The following PCDHA10 variants were observed in gnomAD, a reference collection of about 807,000 sequenced individuals.
PCDHA10 encodes the protein protocadherin alpha-10.
Under a neutral mutation model 61.2 loss-of-function variants are expected in PCDHA10, and 45 were observed. That is an observed-to-expected ratio of 0.74 (90% confidence interval 0.58 to 0.94). PCDHA10 has a LOEUF of 0.94. Ranked by LOEUF, PCDHA10 falls within the 40% of genes least tolerant of loss-of-function variation. The pLI, the probability that PCDHA10 is intolerant of heterozygous loss-of-function variation, is 0.00. For missense variants in PCDHA10, 1,278 were observed against 1,236.2 expected, an observed-to-expected ratio of 1.03 and a Z score of -0.51; for synonymous variants, 602 against 548.8, an observed-to-expected ratio of 1.10 and a Z score of -1.35.
chr5:140,860,223 A>G (rs2046279598), intron 1 of PCDHA10: 1 of 150,246 alleles, frequency 6.7e-6, no homozygotes, highest in African/African-American at 2.4e-5. Context: ...TTATGTATAT[A>G]TAAGCCAGGC....
intron 1 of PCDHA10, among the ~76,000 whole-genome samples, chr5:140,941,226 T>TCTTTCTTTCTTTCTTTCTTTCTTC (rs2092915713): frequency 1.5e-5 from 2 of 135,514 alleles, no homozygotes; most frequent in Admixed American, 7.6e-5. Flanking sequence ...TTTCTTTCTT[T>TCTTTCTTTCTTTCTTTCTTTCTTC]CTTTCTTTCT....
intron 1 of PCDHA10, among the ~76,000 whole-genome samples, chr5:140,892,021 G>A (rs2063355611): frequency 6.6e-6 from 1 of 152,160 alleles, no homozygotes; most frequent in Admixed American, 6.5e-5. Context: ...AGCACAAATG[G>A]TCTAAGATAC....
chr5:140,993,282 C>G lies in PCDHA10; in HGVS notation c.2536+10719C>G, dbSNP rs183298575. On this transcript the variant is annotated intron_variant, in intron 3 of 3. Transcript: ENST00000307360. Reference sequence around the variant, plus strand: ...ATTAGCTTCTTTGGTCTTTTCTTGCCCAGGGTCACAACCTTGCCTCCAGGA... The same window carrying G: ...ATTAGCTTCTTTGGTCTTTTCTTGCGCAGGGTCACAACCTTGCCTCCAGGA... Among the ~76,000 whole-genome samples, 618 of 151,922 alleles carry G rather than the reference C, an allele frequency of 4.1e-3. 6 individuals are homozygous for G. Among genetic ancestry groups the G allele is most frequent in the Non-Finnish European group, 5.9e-3 (399 of 67,976 alleles).
At chr5:140,877,627 A>C (rs782765998) in intron 1 of PCDHA10, 1 of 1,613,614 alleles carries the variant, frequency 6.2e-7, no homozygotes, top group East Asian at 2.2e-5. Context: ...GCTGCTGTAC[A>C]CTGCGCTGCG....
chr5:140,861,433 C>T (rs1177274871), intron 1 of PCDHA10: 1 of 489,666 alleles, frequency 2.0e-6, no homozygotes, highest in Non-Finnish European at 4.2e-6. Context: ...CAGTTGGATT[C>T]CAAAAGCCGC....
At chr5:140,882,868 G>T in intron 1 of PCDHA10, 1 of 1,614,184 alleles carries the variant, frequency 6.2e-7, no homozygotes, top group Non-Finnish European at 8.5e-7. Context: ...GGAAAACACT[G>T]GACAGAGAGG....
At chr5:140,868,925 T>C (rs558364822) in intron 1 of PCDHA10, 1 of 1,048,896 alleles carries the variant, frequency 9.5e-7, no homozygotes. Flanking sequence ...GAAAGTTCAT[T>C]TAAAGGTTGG....
intron 1 of PCDHA10, among the ~76,000 whole-genome samples, chr5:140,955,810 A>G (rs1171384572): frequency 1.3e-5 from 2 of 152,090 alleles, no homozygotes; most frequent in Non-Finnish European, 2.9e-5. Context: ...GTTTGTGTCC[A>G]CTGTGATTTC....
chr5:140,930,231 A>G (rs1234850185), intron 1 of PCDHA10: 3 of 152,238 alleles, frequency 2.0e-5, no homozygotes, highest in Non-Finnish European at 4.4e-5. Context: ...TGCACTTACC[A>G]TCCAAAGTCC....
At chr5:140,883,040 G>A (rs994931084) in intron 1 of PCDHA10, 1 of 1,614,062 alleles carries the variant, frequency 6.2e-7, no homozygotes, top group Non-Finnish European at 8.5e-7. Flanking sequence ...CGCCTTCAAT[G>A]GAACATTAGT....
chr5:140,871,393 C>T (rs782354799), intron 1 of PCDHA10: 1 of 1,614,130 alleles, frequency 6.2e-7, no homozygotes, highest in Non-Finnish European at 8.5e-7. Context: ...GGAGGGCCCA[C>T]CTAAGACGGA....
At chr5:140,998,094 GCAAA>G (rs1182835904) in intron 3 of PCDHA10, among the ~76,000 whole-genome samples, 7 of 152,226 alleles carry the variant, frequency 4.6e-5, no homozygotes, top group African/African-American at 1.4e-4. Flanking sequence ...AAATGCTAGA[GCAAA>G]CAGAGGAGAA....
At chr5:140,895,935 C>T (rs922054631) in intron 1 of PCDHA10, among the ~76,000 whole-genome samples, 20 of 152,028 alleles carry the variant, frequency 1.3e-4, no homozygotes, top group African/African-American at 4.1e-4. Flanking sequence ...CTCAGCCTCC[C>T]GAGTAGCTGG....
At chr5:140,914,564 A>AT (rs532022159) in intron 1 of PCDHA10, among the ~76,000 whole-genome samples, 1 of 152,026 alleles carries the variant, frequency 6.6e-6, no homozygotes, top group Non-Finnish European at 1.5e-5. Context: ...AGTTTAGTCC[A>AT]TTTACATTCA....
chr5:140,856,108 C>A lies in PCDHA10; in HGVS notation c.60C>A (p.Leu20=). Residue 20 remains leucine (L), a synonymous_variant, in exon 1 of 4, where the codon CTC becomes CTA. Transcript: ENST00000307360. ...GTCTGCTGCTCTCGCTTCTTCTCCT[C>A]GCAGCCTGGGAGGTGGGGAGCGGCC... ...VQCLLLSLLL[L]AAWEVGSGQL... is the part of the protein sequence containing the mutation. 1 of 1,598,026 alleles carries A rather than the reference C, an allele frequency of 6.3e-7. No individual in the cohort carries two copies. Among genetic ancestry groups the A allele is most frequent in the African/African-American group, 1.3e-5 (1 of 74,412 alleles).
Position 140,856,989 on chromosome 5 carries a change from C to T in PCDHA10, c.941C>T (p.Thr314Ile). 3.1e-6 allele frequency: 5 copies of T among 1,595,206 alleles called. 1 individual carries two copies. The highest frequency in any genetic ancestry group is 1.1e-5 in the South Asian group (1 of 90,500). ...NDAIDFEDSN[T>I]YEIHVDVTDK... is the part of the protein sequence containing the mutation. ...GCTATTGACTTTGAGGACAGTAACA[C>T]TTATGAAATTCATGTAGATGTTACA... is the stretch of plus-strand genomic sequence containing the variant. Residue 314 changes from threonine to isoleucine, a missense_variant, in exon 1 of 4, where the codon ACT becomes ATT. Physicochemically the swap from Thr to Ile is moderately conservative, Grantham distance 89. Transcript: ENST00000307360.
Position 141,009,965 on chromosome 5 carries a change from G to A in PCDHA10, c.*28G>A, listed in dbSNP as rs782001097. On this transcript the variant is annotated 3_prime_UTR_variant, in exon 4 of 4. Coordinates refer to ENST00000307360, the MANE Select transcript of PCDHA10 (RefSeq NM_018901.4). ...TCCTCAAATGGAAACAAGCCACTTA[G>A]CCAGTTTTTGTAATAATGGCAAATC... is the stretch of plus-strand genomic sequence containing the variant. 1.6e-5 allele frequency: 26 copies of A among 1,587,906 alleles called. No individual in the cohort carries two copies. Among genetic ancestry groups the A allele is most frequent in the Non-Finnish European group, 2.6e-6 (3 of 1,170,436 alleles).
intron 1 of PCDHA10, chr5:140,967,401 G>T (rs374310490): frequency 1.2e-6 from 2 of 1,611,944 alleles, no homozygotes; most frequent in Non-Finnish European, 1.7e-6. Flanking sequence ...CTGGTGCTGC[G>T]TAAGGGCCTA....
intron 1 of PCDHA10, among the ~76,000 whole-genome samples, chr5:140,939,948 A>C (rs2153644220): frequency 6.6e-6 from 1 of 152,296 alleles, no homozygotes; most frequent in Admixed American, 6.5e-5. Context: ...TACTGAGAAA[A>C]TTATGTTAAA....
Sources: gnomAD v4.1 joint callset for allele counts (sites outside exome capture counted in the v4.1 genomes callset) on GRCh38, gnomAD v4.1.1 for gene constraint, MANE v1.5 for transcripts, NCBI Gene and HGNC (gene_info 2026-07-23, HGNC 2026-07-21) for gene names.